TENM4: variants seen among roughly 807,000 people sequenced by gnomAD.
TENM4 encodes teneurin-4.
Under a neutral mutation model 243.3 loss-of-function variants are expected in TENM4, and 82 were observed. The ratio of observed to expected loss-of-function variants is 0.34; its 90% confidence interval spans 0.28 to 0.40. The LOEUF (loss-of-function observed/expected upper bound fraction) is 0.40. Ranked by LOEUF, TENM4 falls within the 10% of genes least tolerant of loss-of-function variation. TENM4 has a pLI of 1.00. For missense variants in TENM4, 3,138 were observed against 3,673.3 expected (o/e 0.85, Z 3.77); for synonymous variants, 1,412 against 1,456.3 (o/e 0.97, Z 0.69).
intron 30 of TENM4, among the ~76,000 whole-genome samples, chr11:78,674,375 G>A (rs1327493340): frequency 1.3e-5 from 2 of 152,218 alleles, no homozygotes; most frequent in African/African-American, 2.4e-5. Context: ...GTGGCCACCC[G>A]TCCCAATCTC....
chr11:79,238,507 T>C (rs7931951), intron 2 of TENM4, among the ~76,000 whole-genome samples: 50,685 of 151,586 alleles, frequency 0.33, 9,051 homozygotes, highest in African/African-American at 0.47. Context: ...TCGAGCCTTT[T>C]GACTCAAACT....
chr11:78,987,923 C>G (rs1160204572), intron 6 of TENM4, among the ~76,000 whole-genome samples: 2 of 152,154 alleles, frequency 1.3e-5, no homozygotes, highest in Non-Finnish European at 2.9e-5. Flanking sequence ...TCAGGGCTGG[C>G]TCTGTCTAGG....
chr11:78,977,564 G>A (rs138947993), intron 6 of TENM4, among the ~76,000 whole-genome samples: 1 of 152,312 alleles, frequency 6.6e-6, no homozygotes, highest in African/African-American at 2.4e-5. Flanking sequence ...AGCCTACACA[G>A]GTTCTCCTCA....
intron 3 of TENM4, among the ~76,000 whole-genome samples, 194 bp from the exon 4 acceptor site, chr11:79,149,000 G>A (rs1425183066): frequency 1.3e-5 from 2 of 152,160 alleles, no homozygotes; most frequent in Non-Finnish European, 2.9e-5. Flanking sequence ...AACTAAAGTA[G>A]CTACTAGCAC....
intron 6 of TENM4, among the ~76,000 whole-genome samples, chr11:78,936,541 C>G (rs994984689): frequency 1.3e-5 from 2 of 152,116 alleles, no homozygotes; most frequent in African/African-American, 4.8e-5. Context: ...GGAAAAGGGG[C>G]CATCAGAAAG....
chr11:79,215,295 G>A (rs1223931427), intron 3 of TENM4, among the ~76,000 whole-genome samples: 1 of 152,054 alleles, frequency 6.6e-6, no homozygotes, highest in Non-Finnish European at 1.5e-5. Flanking sequence ...GCCATCTTAG[G>A]CACTAGACCT....
intron 6 of TENM4, among the ~76,000 whole-genome samples, chr11:78,917,516 C>T (rs578220663): frequency 6.6e-6 from 1 of 152,204 alleles, no homozygotes; most frequent in South Asian, 2.1e-4. Context: ...TATATCGGCT[C>T]AGGAGATCTT....
chr11:78,786,946 C>A lies in TENM4; in HGVS notation c.2317G>T (p.Gly773Cys), dbSNP rs373463824. The change falls in exon 16 of 34, where the codon GGC becomes TGC. Residue 773 changes from glycine to cysteine, a missense_variant. This residue lies in a region of TENM4 where 2,467 missense variants were observed against 3,059.1 expected (regional missense o/e 0.81). Transcript: ENST00000278550. ...RCAEHGTCRDGKCECSPGWNG... is the reference protein window; with the variant it reads ...RCAEHGTCRDCKCECSPGWNG... ...CAGCCAGGGCTGCACTCGCACTTGCCGTCGCGGCAGGTCCCATGCTCGGCA... is the reference window on the plus strand; with the variant it reads ...CAGCCAGGGCTGCACTCGCACTTGCAGTCGCGGCAGGTCCCATGCTCGGCA... The A allele has an allele frequency of 6.2e-7, 1 of 1,605,774 alleles. No homozygotes were observed. Among genetic ancestry groups the A allele is most frequent in the Admixed American group, 1.7e-5 (1 of 59,366 alleles).
chr11:79,044,548 C>T (rs1859614414), intron 6 of TENM4, among the ~76,000 whole-genome samples: 1 of 152,208 alleles, frequency 6.6e-6, no homozygotes, highest in Non-Finnish European at 1.5e-5. Flanking sequence ...CAACCTCTAG[C>T]TGTGCTATGC....
chr11:79,244,546 C>T (rs568547557), intron 2 of TENM4, among the ~76,000 whole-genome samples: 31 of 152,196 alleles, frequency 2.0e-4, no homozygotes, highest in African/African-American at 7.5e-4. Context: ...ATTTCTCAAG[C>T]AGCTTGAGGA....
chr11:78,825,499 T>C (rs961530811), intron 12 of TENM4, among the ~76,000 whole-genome samples: 1 of 152,104 alleles, frequency 6.6e-6, no homozygotes, highest in Non-Finnish European at 1.5e-5. Flanking sequence ...CTGGTGATGA[T>C]AATATCCTTG....
intron 6 of TENM4, among the ~76,000 whole-genome samples, chr11:78,911,300 G>A (rs565018694): frequency 6.6e-6 from 1 of 152,228 alleles, no homozygotes; most frequent in East Asian, 1.9e-4. Flanking sequence ...CAGTAGGATG[G>A]GTAAACAGCT....
At chr11:79,384,644 C>T (rs1202600118) in intron 1 of TENM4, among the ~76,000 whole-genome samples, 10 of 152,110 alleles carry the variant, frequency 6.6e-5, no homozygotes, top group South Asian at 2.1e-4. Flanking sequence ...CCACAAAACT[C>T]GGAGCACGCA....
At chr11:78,790,715 G>T (rs1301157403) in intron 15 of TENM4, among the ~76,000 whole-genome samples, 1 of 152,196 alleles carries the variant, frequency 6.6e-6, no homozygotes, top group Non-Finnish European at 1.5e-5. Context: ...CTCAGAACAG[G>T]CAAGGAACAC....
chr11:79,342,993 T>C (rs1049222573), intron 1 of TENM4, among the ~76,000 whole-genome samples: 15 of 152,242 alleles, frequency 9.9e-5, no homozygotes, highest in African/African-American at 3.1e-4. Context: ...TTTTCTGTGG[T>C]GGCTGGACTG....
chr11:78,669,233 C>T lies in TENM4; in HGVS notation c.7112G>A (p.Ser2371Asn), dbSNP rs1858245929. 6.2e-7 allele frequency: 1 copy of T among 1,613,974 alleles called. No homozygotes were observed. The highest frequency in any genetic ancestry group is 1.6e-4 in the Middle Eastern group (1 of 6,062). ...DNIGTPLAVF[S>N]GTGLMIKQIL... ...TTGCTTGATCATCAAACCTGTTCCACTAAAGACAGCAAGAGGGGTCCCGAT... is the reference window on the plus strand; with the variant it reads ...TTGCTTGATCATCAAACCTGTTCCATTAAAGACAGCAAGAGGGGTCCCGAT... The change falls in exon 32 of 34, where the codon AGT becomes AAT. Residue 2371 changes from serine to asparagine, a missense_variant. By Grantham distance (46) the Ser-to-Asn change is conservative. Around this residue, in one of 2 missense-constraint regions of TENM4, gnomAD observed 2,467 missense variants for 3,059.1 expected, o/e 0.81. Transcript: ENST00000278550. This position sits in a 1 kb window ranked among gnomAD's most constrained non-coding sequence, Gnocchi z 6.4.
chr11:79,008,475 A>G (rs1256049827), intron 6 of TENM4, among the ~76,000 whole-genome samples: 1 of 152,234 alleles, frequency 6.6e-6, no homozygotes, highest in Non-Finnish European at 1.5e-5. Flanking sequence ...ATTTTGTTAT[A>G]TATACACATA....
At chr11:78,799,249 T>C (rs1035059469) in intron 15 of TENM4, among the ~76,000 whole-genome samples, 3 of 152,158 alleles carry the variant, frequency 2.0e-5, no homozygotes, top group African/African-American at 7.2e-5. Context: ...ATCTAGACAA[T>C]GATCTAGATA....
At chr11:79,418,656 A>C (rs569298961) in intron 1 of TENM4, among the ~76,000 whole-genome samples, 15 of 152,304 alleles carry the variant, frequency 9.8e-5, no homozygotes, top group African/African-American at 3.4e-4. Flanking sequence ...ACCCTGGTGA[A>C]CTCTGATGAC....
Sources: allele counts gnomAD v4.1 joint callset (sites outside exome capture counted in the v4.1 genomes callset), GRCh38; gene constraint gnomAD v4.1.1; regional missense constraint gnomAD v4.1.1; non-coding constraint Gnocchi (gnomAD v3.1); transcripts MANE v1.5; gene names NCBI Gene and HGNC (gene_info 2026-07-23, HGNC 2026-07-21).